C2orf80: variants seen among roughly 807,000 people sequenced by gnomAD.
C2orf80 encodes uncharacterized protein C2orf80.
Under a neutral mutation model 30.2 loss-of-function variants are expected in C2orf80, and 28 were observed. The ratio of observed to expected loss-of-function variants is 0.93; its 90% CI spans 0.69 to 1.27. The LOEUF (loss-of-function observed/expected upper bound fraction) is 1.27. Among genes scored for constraint, C2orf80 ranks in the 50% most tolerant of loss-of-function variants. The pLI is 0.00. For missense variants in C2orf80, 220 were observed against 231.0 expected (o/e 0.95, Z 0.31); for synonymous variants, 80 against 76.4 (o/e 1.05, Z -0.24).
intron 6 of C2orf80, among the ~76,000 whole-genome samples, chr2:208,176,940 T>TATGTATA (rs1696340760): frequency 8.5e-5 from 4 of 47,040 alleles, no homozygotes; most frequent in African/African-American, 3.7e-4. Context: ...TGTATACATA[T>TATGTATA]CTGTATACAT....
intron 2 of C2orf80, among the ~76,000 whole-genome samples, chr2:208,185,667 G>A (rs1696696968): frequency 6.6e-6 from 1 of 152,120 alleles, no homozygotes; most frequent in Non-Finnish European, 1.5e-5. Context: ...AGGAAAAGAA[G>A]GACTATGGCA....
In C2orf80 at chr2:208,183,188, C is replaced by G. The variant is rs189896193; in HGVS notation, c.124-141G>C. On this transcript the variant is annotated intron_variant, in intron 3 of 8. Coordinates refer to ENST00000341287, the MANE Select transcript of C2orf80 (RefSeq NM_001099334.3). ...GGGAAGGATCATTAGCTTTAATAAC[C>G]TGATGCTCGGCCAGATTTTTTTTTT... is the stretch of plus-strand genomic sequence containing the variant. 106 of 557,062 alleles carry G rather than the reference C, an allele frequency of 1.9e-4. No homozygotes were observed. In the African/African-American group the frequency reaches 1.9e-3, roughly 10 times the overall value. 34.5% of individuals were successfully genotyped at this position (557,062 alleles called of 1,614,324 possible).
chr2:208,175,384 TATGA>T (rs1166109391), intron 6 of C2orf80, among the ~76,000 whole-genome samples: 1 of 152,174 alleles, frequency 6.6e-6, no homozygotes, highest in African/African-American at 2.4e-5. Context: ...GAATTTTTTC[TATGA>T]GTCCAGAATC....
At chr2:208,175,052 G>C (rs960564117) in intron 6 of C2orf80, among the ~76,000 whole-genome samples, 2 of 152,316 alleles carry the variant, frequency 1.3e-5, no homozygotes, top group Non-Finnish European at 2.9e-5. Context: ...GGCCGAGGGG[G>C]GTGGGTGGAT....
chr2:208,168,352 T>A (rs1233840842), intron 8 of C2orf80: 2 of 335,032 alleles, frequency 6.0e-6, no homozygotes, highest in Non-Finnish European at 1.1e-5. Context: ...ACTATTAAAA[T>A]TTTTAAAACT....
At position 208,181,032 on chromosome 2, in the gene C2orf80, T is replaced by C. The variant is rs950833913; in HGVS notation, c.294+186A>G. On this transcript the variant is annotated intron_variant, in intron 5 of 8. Coordinates refer to ENST00000341287, the MANE Select transcript of C2orf80 (RefSeq NM_001099334.3). ...TTTTCTTTTTTCTTTGCCTCTTAAA[T>C]AAATGTTTTCACATACAGTGTAGAA... 2.6e-5 allele frequency among the ~76,000 whole-genome samples: 4 copies of C among 152,206 alleles called. No individual in the cohort carries two copies. In the East Asian group the frequency reaches 7.7e-4, roughly 29 times the overall value.
chr2:208,188,308 C>T (rs1696778889), intron 1 of C2orf80, among the ~76,000 whole-genome samples: 1 of 152,134 alleles, frequency 6.6e-6, no homozygotes, highest in Non-Finnish European at 1.5e-5. Flanking sequence ...GGAAAACAAA[C>T]TTTAGAAACG....
At chr2:208,177,731 G>C (rs1463582411) in intron 6 of C2orf80, among the ~76,000 whole-genome samples, 1 of 152,146 alleles carries the variant, frequency 6.6e-6, no homozygotes, top group Non-Finnish European at 1.5e-5. Flanking sequence ...ATGAATAAAT[G>C]AGTGATCAGA....
intron 8 of C2orf80, among the ~76,000 whole-genome samples, chr2:208,167,558 C>A (rs1258543510): frequency 6.6e-6 from 1 of 151,936 alleles, no homozygotes; most frequent in Non-Finnish European, 1.5e-5. Context: ...AAAACTGTTT[C>A]CCAGAACACT....
At chr2:208,169,255 G>A (rs1339315490) in intron 8 of C2orf80, among the ~76,000 whole-genome samples, 1 of 114,616 alleles carries the variant, frequency 8.7e-6, no homozygotes, top group Non-Finnish European at 2.0e-5. Flanking sequence ...GTGTGATTAA[G>A]TTTAAAGTCT....
At chr2:208,185,472 C>A (rs571549110) in intron 2 of C2orf80, among the ~76,000 whole-genome samples, 9 of 152,128 alleles carry the variant, frequency 5.9e-5, no homozygotes, top group Non-Finnish European at 1.3e-4. Flanking sequence ...GGCTTTTTCT[C>A]TTTAGAATGC....
Position 208,190,018 on chromosome 2 carries a change from C to T in C2orf80, c.-141G>A, listed in dbSNP as rs759613398. 3.3e-5 allele frequency: 23 copies of T among 702,868 alleles called. No individual in the cohort carries two copies. Among genetic ancestry groups the T allele is most frequent in the South Asian group, 5.9e-5 (4 of 67,560 alleles). 43.5% of individuals were successfully genotyped at this position (702,868 alleles called of 1,614,324 possible). On this transcript the variant is annotated 5_prime_UTR_variant, in exon 1 of 9. Transcript: ENST00000341287. ...TTCTGGAGGCATGCTGAAGCATCCG[C>T]GCATCTCAGACTGGTGCTCACAGAC...
intron 6 of C2orf80, among the ~76,000 whole-genome samples, chr2:208,172,624 T>G (rs1185448185): frequency 2.0e-5 from 3 of 152,182 alleles, no homozygotes; most frequent in Non-Finnish European, 4.4e-5. Flanking sequence ...CATAATACAC[T>G]TAACAGACTG....
At chr2:208,167,709 T>C (rs1036284326) in intron 8 of C2orf80, among the ~76,000 whole-genome samples, 2 of 151,756 alleles carry the variant, frequency 1.3e-5, no homozygotes, top group Non-Finnish European at 2.9e-5. Context: ...CCCTAGTAGC[T>C]GGGATTATAG....
In C2orf80 at chr2:208,180,744, C is replaced by T; in HGVS notation, c.366+1G>A. 5 of 1,612,804 alleles carry T rather than the reference C, an allele frequency of 3.1e-6. No individual in the cohort carries two copies. Among genetic ancestry groups the T allele is most frequent in the Non-Finnish European group, 4.2e-6 (5 of 1,179,056 alleles). On this transcript the variant is annotated splice_donor_variant, in intron 6 of 8. Transcript: ENST00000341287. LOFTEE classifies it high-confidence loss of function. ...TATTGACAATCCCAGGTCACCCTTACCTTGATGGTACCAGAATCGGCAGAA... is the reference window on the plus strand; with the variant it reads ...TATTGACAATCCCAGGTCACCCTTATCTTGATGGTACCAGAATCGGCAGAA...
chr2:208,168,616 G>A (rs1436935491), intron 8 of C2orf80: 1 of 141,034 alleles, frequency 7.1e-6, no homozygotes, highest in Non-Finnish European at 1.5e-5. Context: ...AGCCAAGATT[G>A]CGCCACTGCA....
At chr2:208,167,994 T>C (rs932339774) in intron 8 of C2orf80, among the ~76,000 whole-genome samples, 4 of 151,994 alleles carry the variant, frequency 2.6e-5, no homozygotes, top group Non-Finnish European at 5.9e-5. Context: ...TTAAAAAAAT[T>C]GTTCTTCAGC....
chr2:208,182,896 T>C lies in C2orf80; in HGVS notation c.206+69A>G, dbSNP rs900934119. 3.2e-6 allele frequency: 4 copies of C among 1,248,562 alleles called. No individual in the cohort carries two copies. The African/African-American group carries it at 5.9e-5, about 18-fold the overall frequency. 77.3% of individuals were successfully genotyped at this position (1,248,562 alleles called of 1,614,324 possible). ...GCCTCATGATGGAAGATGTTAGGGC[T>C]GGAACTTCCTCTATCATTAATCATA... On this transcript the variant is annotated intron_variant, in intron 4 of 8. Coordinates refer to ENST00000341287, the MANE Select transcript of C2orf80 (RefSeq NM_001099334.3).
chr2:208,188,629 G>A (rs1442370663), intron 1 of C2orf80, among the ~76,000 whole-genome samples: 1 of 152,004 alleles, frequency 6.6e-6, no homozygotes, highest in African/African-American at 2.4e-5. Flanking sequence ...TGTACTTTTA[G>A]TAGAGACCGG....
Sources: gnomAD v4.1 joint callset for allele counts (sites outside exome capture counted in the v4.1 genomes callset) on GRCh38, gnomAD v4.1.1 for gene constraint, MANE v1.5 for transcripts, NCBI Gene and HGNC (gene_info 2026-07-23, HGNC 2026-07-21) for gene names.